The following RIMBP2 variants were observed in gnomAD, a reference collection of about 807,000 sequenced individuals.
RIMBP2 encodes the protein RIMS-binding protein 2.
RIMBP2 carries 48 observed loss-of-function variants against 118.6 expected under a neutral mutation model. The observed-to-expected ratio is 0.40, with a 90% CI of 0.32 to 0.51. The LOEUF (loss-of-function observed/expected upper bound fraction) is 0.51, where lower values mean the gene tolerates loss of function less well. Among genes scored for constraint, RIMBP2 ranks in the 20% least tolerant of loss-of-function variants. The pLI is 0.41. For synonymous variants in RIMBP2, 762 were observed against 742.9 expected, an observed-to-expected ratio of 1.03 and a Z score of -0.42; for missense variants, 1,551 against 1,768.3, an observed-to-expected ratio of 0.88 and a Z score of 2.20.
intron 2 of RIMBP2, among the ~76,000 whole-genome samples, chr12:130,607,125 C>T (rs1310696139): frequency 3.3e-5 from 5 of 152,088 alleles, no homozygotes; most frequent in Admixed American, 1.3e-4. Flanking sequence ...CCACCACGGC[C>T]GGCCCAGTTC....
At chr12:130,491,424 G>A (rs969564384) in intron 4 of RIMBP2, among the ~76,000 whole-genome samples, 1 of 152,194 alleles carries the variant, frequency 6.6e-6, no homozygotes, top group Non-Finnish European at 1.5e-5. Flanking sequence ...ATGTGCTGAT[G>A]TTTGCTGGGA....
At chr12:130,645,344 C>T (rs1015495993) in intron 1 of RIMBP2, among the ~76,000 whole-genome samples, 23 of 152,204 alleles carry the variant, frequency 1.5e-4, no homozygotes, top group African/African-American at 5.5e-4. Context: ...ACACCGCTCC[C>T]CCAAAACCAA....
At chr12:130,527,772 T>C (rs1262675178) in intron 2 of RIMBP2, among the ~76,000 whole-genome samples, 1 of 147,392 alleles carries the variant, frequency 6.8e-6, no homozygotes, top group Non-Finnish European at 1.5e-5. Flanking sequence ...CATTAAAAAG[T>C]GGGCAAAGAA....
At chr12:130,691,940 C>T (rs12582148) in intron 1 of RIMBP2, among the ~76,000 whole-genome samples, 38,328 of 151,994 alleles carry the variant, frequency 0.25, 5,248 homozygotes, top group South Asian at 0.38. Context: ...GTTTCTAGAA[C>T]GAGGAGAAGC....
rs1291897672 is a variant in RIMBP2, at chr12:130,620,211, C to A, written c.-217+8111G>T. On this transcript the variant is annotated intron_variant, in intron 2 of 22. Transcript: ENST00000690449. The surrounding 1 kb of genome is among the most constrained non-coding windows in gnomAD (Gnocchi z 5.3). ...GATGGGCACAAGACCGAAGTGGTGG[C>A]AGTTAAACAATCAGTCCCCTGAATT... Among the ~76,000 whole-genome samples the A allele has an allele frequency of 6.6e-6, 1 of 152,146 alleles. No individual in the cohort carries two copies.
intron 14 of RIMBP2, among the ~76,000 whole-genome samples, chr12:130,433,190 G>A (rs534825233): frequency 4.6e-5 from 7 of 152,304 alleles, no homozygotes; most frequent in African/African-American, 1.2e-4. Flanking sequence ...ACATTAAGCC[G>A]GTTTCAGCTT....
In RIMBP2 at chr12:130,677,757, C is replaced by T. The variant is rs189704946; in HGVS notation, c.-352+38465G>A. Among the ~76,000 whole-genome samples, 667 of 152,352 alleles carry T rather than the reference C, an allele frequency of 4.4e-3. 8 individuals carry two copies. The highest frequency in any genetic ancestry group is 0.015 in the African/African-American group (626 of 41,570). ...GGGCCCCACTAGGCCTGTGTGTTTC[C>T]CTGAGCCAAACCGGACCACTGTGGC... is the stretch of plus-strand genomic sequence containing the variant. On this transcript the variant is annotated intron_variant, in intron 1 of 22. Coordinates refer to ENST00000690449, the MANE Select transcript of RIMBP2 (RefSeq NM_001393629.1).
chr12:130,451,287 G>C lies in RIMBP2; in HGVS notation c.412C>G (p.Leu138Val), dbSNP rs1402340243. The C allele has an allele frequency of 6.2e-7, 1 of 1,614,094 alleles. No individual in the cohort carries two copies. Among genetic ancestry groups the C allele is most frequent in the East Asian group, 2.2e-5 (1 of 44,892 alleles). Residue 138 changes from leucine to valine, a missense_variant, in exon 8 of 23, where the codon CTT becomes GTT. Leu to Val is a conservative substitution (Grantham distance 32). Transcript: ENST00000690449. ...TCCGGCCTGTCACCAGGCTGCGGAA[G>C]GGGCCGGATATATTCACCGATCGCA... ...SSAIGEYIRP[L>V]PQPGDRPEPL...
chr12:130,705,570 A>T (rs1185882672), intron 1 of RIMBP2, among the ~76,000 whole-genome samples: 1 of 152,228 alleles, frequency 6.6e-6, no homozygotes, highest in African/African-American at 2.4e-5. Flanking sequence ...CCAGCTCCTC[A>T]CTAACGAACA....
At chr12:130,614,458 A>G (rs1471257493) in intron 2 of RIMBP2, among the ~76,000 whole-genome samples, 1 of 152,184 alleles carries the variant, frequency 6.6e-6, no homozygotes, top group Admixed American at 6.5e-5. Flanking sequence ...GCTGGGGTAT[A>G]AGGAAAAAGC....
chr12:130,544,847 C>T (rs1360819546), intron 2 of RIMBP2, among the ~76,000 whole-genome samples: 1 of 151,872 alleles, frequency 6.6e-6, no homozygotes, highest in Admixed American at 6.6e-5. Context: ...CCTGCCTCCA[C>T]CTCCCAAAGA....
intron 2 of RIMBP2, among the ~76,000 whole-genome samples, chr12:130,530,215 T>C (rs747549549): frequency 1.3e-5 from 2 of 152,166 alleles, no homozygotes; most frequent in African/African-American, 4.8e-5. Context: ...GAGGGAAAAC[T>C]TCGCCAGGGG....
intron 2 of RIMBP2, among the ~76,000 whole-genome samples, chr12:130,585,188 T>A (rs2058803562): frequency 2.0e-5 from 3 of 152,176 alleles, no homozygotes; most frequent in South Asian, 2.1e-4. Context: ...CTGAATCCGA[T>A]GACCACTCCA....
chr12:130,532,192 T>C (rs1004134081), intron 2 of RIMBP2, among the ~76,000 whole-genome samples: 2,921 of 138,078 alleles, frequency 0.021, 146 homozygotes, highest in Non-Finnish European at 0.034. Flanking sequence ...TCTAATGAGA[T>C]GCGTGTGTGT....
chr12:130,454,336 G>T (rs1278222601), intron 7 of RIMBP2, among the ~76,000 whole-genome samples: 1 of 152,250 alleles, frequency 6.6e-6, no homozygotes, highest in Non-Finnish European at 1.5e-5. Flanking sequence ...GAGAGTGGGG[G>T]AAGAAAGAAT....
chr12:130,416,584 C>A (rs562163944), intron 17 of RIMBP2, among the ~76,000 whole-genome samples: 1 of 152,126 alleles, frequency 6.6e-6, no homozygotes, highest in African/African-American at 2.4e-5. Flanking sequence ...CAAGGTGGAT[C>A]AAAGATTTGA....
intron 2 of RIMBP2, among the ~76,000 whole-genome samples, chr12:130,585,515 G>C (rs1342982921): frequency 6.6e-6 from 1 of 151,778 alleles, no homozygotes; most frequent in Admixed American, 6.6e-5. Flanking sequence ...GGGAGGCTGA[G>C]GTGGGAGAAC....
rs893324489 is a variant in RIMBP2, at chr12:130,446,870, C to G, written c.582-1601G>C. On this transcript the variant is annotated intron_variant, in intron 9 of 22. Coordinates refer to ENST00000690449, the MANE Select transcript of RIMBP2 (RefSeq NM_001393629.1). The surrounding 1 kb of genome is among the most constrained non-coding windows in gnomAD (Gnocchi z 4.1). ...AGGAGTTCCAGCAAAGGAGTTTGGT[C>G]GGGGAGTGACTTAGGAGGCTGTGGA... Among the ~76,000 whole-genome samples the G allele has an allele frequency of 4.0e-5, 6 of 151,850 alleles. No individual in the cohort carries two copies. The highest frequency in any genetic ancestry group is 3.9e-4 in the Admixed American group (6 of 15,244).
intron 2 of RIMBP2, among the ~76,000 whole-genome samples, chr12:130,598,902 G>C (rs913861560): frequency 6.6e-6 from 1 of 152,144 alleles, no homozygotes; most frequent in East Asian, 1.9e-4. Flanking sequence ...TTTTTGATGG[G>C]GTCTATGTCA....
Sources: gnomAD v4.1 joint callset for allele counts (sites outside exome capture counted in the v4.1 genomes callset) on GRCh38, gnomAD v4.1.1 for gene constraint, Gnocchi (gnomAD v3.1) non-coding constraint, MANE v1.5 for transcripts, NCBI Gene and HGNC (gene_info 2026-07-23, HGNC 2026-07-21) for gene names.